The following ERC1 variants were observed in gnomAD, a reference collection of about 807,000 sequenced individuals.
ERC1 encodes RAB6 interacting protein 2.
ERC1 carries 56 observed loss-of-function variants against 132.0 expected under a neutral mutation model. The ratio of observed to expected loss-of-function variants is 0.42; its 90% CI spans 0.34 to 0.53. The LOEUF is 0.53. ERC1 is among the 20% of genes least tolerant of loss of function. The pLI, the probability that ERC1 is intolerant of heterozygous loss-of-function variation, is 0.03. For synonymous variants in ERC1, 478 were observed against 476.1 expected, an observed-to-expected ratio of 1.00 and a Z score of -0.05; for missense variants, 1,202 against 1,349.9, an observed-to-expected ratio of 0.89 and a Z score of 1.72.
chr12:1,484,101 C>T (rs184811442), intron 18 of ERC1, among the ~76,000 whole-genome samples: 7,143 of 142,340 alleles, frequency 0.05, 520 homozygotes, highest in African/African-American at 0.17. Flanking sequence ...GTCAGGAGAT[C>T]AAGACCTTCC....
intron 17 of ERC1, among the ~76,000 whole-genome samples, chr12:1,413,344 A>G (rs966313593): frequency 2.0e-5 from 3 of 152,194 alleles, no homozygotes; most frequent in Non-Finnish European, 2.9e-5. Context: ...CTGTAATCCC[A>G]GCACTTTGGG....
chr12:1,490,038 G>T, intron 18 of ERC1, 55 bp from the exon 19 acceptor site: 1 of 1,573,564 alleles, frequency 6.4e-7, no homozygotes, highest in East Asian at 2.3e-5. Context: ...ATAATTCTTA[G>T]CTCAGTGCAA....
intron 8 of ERC1, among the ~76,000 whole-genome samples, chr12:1,156,960 C>CTGTTTTT (rs34912922): frequency 1.3e-5 from 2 of 151,702 alleles, no homozygotes; most frequent in African/African-American, 4.8e-5. Context: ...ATACATTTTC[C>CTGTTTTT]TGTTTTTTGT....
At chr12:1,214,829 C>G (rs1410924314) in intron 12 of ERC1, among the ~76,000 whole-genome samples, 1 of 151,982 alleles carries the variant, frequency 6.6e-6, no homozygotes, top group Non-Finnish European at 1.5e-5. Context: ...GGGCATTATT[C>G]CCATGTCATA....
chr12:1,469,075 G>C (rs1013834875), intron 18 of ERC1, among the ~76,000 whole-genome samples: 11 of 152,262 alleles, frequency 7.2e-5, no homozygotes, highest in Admixed American at 1.3e-4. Context: ...ACATGTCTGT[G>C]CTAGGTGTTG....
intron 15 of ERC1, among the ~76,000 whole-genome samples, chr12:1,318,197 A>G (rs1426932014): frequency 6.6e-6 from 1 of 152,152 alleles, no homozygotes; most frequent in Non-Finnish European, 1.5e-5. Flanking sequence ...GCCCTTCACA[A>G]AAACTAAATC....
At chr12:1,203,127 G>A (rs552383049) in intron 12 of ERC1, among the ~76,000 whole-genome samples, 18 of 152,256 alleles carry the variant, frequency 1.2e-4, no homozygotes, top group Admixed American at 6.5e-5. Context: ...GCACAATCTC[G>A]GCTCACTGCA....
rs35596394 is a variant in ERC1 at position 1,483,668 on chromosome 12, C to CTTTTTTTTTTTTTTTTTTTTTTT, written c.3214-6409_3214-6387dup. ...CAAAACTCCTTCCAGCCACTGAGAG[C>CTTTTTTTTTTTTTTTTTTTTTTT]TTTTTTTTTTTTTTTTTTTTTTTTT... On this transcript the variant is annotated intron_variant, in intron 18 of 18. Transcript: ENST00000360905. Among the ~76,000 whole-genome samples, 3 of 55,190 alleles carry CTTTTTTTTTTTTTTTTTTTTTTT rather than the reference C, an allele frequency of 5.4e-5. 1 individual carries two copies. The highest frequency in any genetic ancestry group is 6.2e-4 in the Admixed American group (2 of 3,224). 36.2% of individuals were successfully genotyped at this position (55,190 alleles called of 152,430 possible). A position where few individuals can be genotyped will look rare whatever the true frequency, so the allele number is the denominator to read the frequency against.
intron 2 of ERC1, among the ~76,000 whole-genome samples, chr12:1,043,290 G>A (rs560206630): frequency 6.6e-6 from 1 of 151,974 alleles, no homozygotes; most frequent in Non-Finnish European, 1.5e-5. Context: ...TGATCTGCCT[G>A]CCTTGGCCTC....
chr12:1,185,929 G>A (rs1044019894), intron 11 of ERC1, among the ~76,000 whole-genome samples: 1 of 152,126 alleles, frequency 6.6e-6, no homozygotes, highest in Admixed American at 6.5e-5. Flanking sequence ...AGCCACACCA[G>A]TTTAGGGTAC....
rs1017448580 is a variant in ERC1, at chr12:1,028,511, A to G, written c.608A>G (p.Asp203Gly). 9 of 1,614,034 alleles carry G rather than the reference A, an allele frequency of 5.6e-6. No homozygotes were observed. Among genetic ancestry groups the G allele is most frequent in the Non-Finnish European group, 7.6e-6 (9 of 1,180,050 alleles). ...ELKKERALRK[D>G]EASKITIWKE... Reference sequence around the variant, plus strand: ...AAGAAGGAACGAGCCCTGAGAAAAGATGAAGCTTCCAAAATCACCATTTGG... The same window carrying G: ...AAGAAGGAACGAGCCCTGAGAAAAGGTGAAGCTTCCAAAATCACCATTTGG... Residue 203 changes from aspartate (D) to glycine (G), a missense_variant, in exon 2 of 19, where the codon GAT becomes GGT. Asp to Gly is a moderately conservative substitution (Grantham distance 94). Coordinates refer to ENST00000360905, the MANE Select transcript of ERC1 (RefSeq NM_178040.4).
intron 18 of ERC1, among the ~76,000 whole-genome samples, chr12:1,445,542 A>G (rs2093282191): frequency 6.6e-6 from 1 of 152,100 alleles, no homozygotes; most frequent in Non-Finnish European, 1.5e-5. Context: ...GTTGTACGCT[A>G]GATCTCCTGA....
At chr12:1,225,863 TAAAAC>T (rs1293631642) in intron 12 of ERC1, among the ~76,000 whole-genome samples, 7 of 152,166 alleles carry the variant, frequency 4.6e-5, no homozygotes, top group Admixed American at 3.9e-4. Flanking sequence ...TTCTCTCTCT[TAAAAC>T]AGAGCAAAAT....
At chr12:1,215,584 A>G (rs1425681320) in intron 12 of ERC1, among the ~76,000 whole-genome samples, 1 of 152,166 alleles carries the variant, frequency 6.6e-6, no homozygotes, top group African/African-American at 2.4e-5. Context: ...ATATTATACT[A>G]TCATCTAGAT....
chr12:1,264,679 G>A (rs907973062), intron 14 of ERC1, among the ~76,000 whole-genome samples: 3 of 151,680 alleles, frequency 2.0e-5, no homozygotes. Flanking sequence ...AAAAAAAAAA[G>A]ATTTCAAATC....
chr12:995,050 C>T (rs920282666), intron 1 of ERC1, among the ~76,000 whole-genome samples: 10 of 150,592 alleles, frequency 6.6e-5, no homozygotes, highest in African/African-American at 1.7e-4. Context: ...GAGTGGAGAT[C>T]GTGCTATTGC....
intron 8 of ERC1, among the ~76,000 whole-genome samples, chr12:1,171,824 T>C (rs1953097222): frequency 6.6e-6 from 1 of 152,158 alleles, no homozygotes; most frequent in Non-Finnish European, 1.5e-5. Context: ...AGTAATCAGT[T>C]CCACTTGACT....
chr12:1,352,796 T>A (rs1313058178), intron 15 of ERC1, among the ~76,000 whole-genome samples: 2 of 152,234 alleles, frequency 1.3e-5, no homozygotes, highest in African/African-American at 4.8e-5. Flanking sequence ...TTCTTTCTAT[T>A]GCTTTTTCTC....
intron 2 of ERC1, among the ~76,000 whole-genome samples, chr12:1,053,442 G>A (rs1972393797): frequency 6.6e-6 from 1 of 152,184 alleles, no homozygotes. Flanking sequence ...AAGAGTGTAT[G>A]TATTTTTTCA....
Sources: gnomAD v4.1 joint callset for allele counts (sites outside exome capture counted in the v4.1 genomes callset) on GRCh38, gnomAD v4.1.1 for gene constraint, MANE v1.5 for transcripts, NCBI Gene and HGNC (gene_info 2026-07-23, HGNC 2026-07-21) for gene names.